The following AFDN variants were observed in gnomAD, a reference collection of about 807,000 sequenced individuals.
The protein encoded by AFDN is afadin, adherens junction formation factor.
In AFDN, 68 loss-of-function variants were observed where a neutral mutation model predicts 216.6. The ratio of observed to expected loss-of-function variants is 0.31; its 90% confidence interval spans 0.26 to 0.38. The LOEUF is 0.38. Ranked by LOEUF, AFDN falls within the 10% of genes least tolerant of loss-of-function variation. The probability of loss-of-function intolerance (pLI) is 1.00; values close to 1 mark genes in which losing one functional copy is unlikely to be tolerated. For synonymous variants in AFDN, 868 were observed against 853.7 expected, an observed-to-expected ratio of 1.02 and a Z score of -0.29; for missense variants, 2,136 against 2,342.0, an observed-to-expected ratio of 0.91 and a Z score of 1.82.
chr6:167,896,375 C>A (rs138175776), intron 9 of AFDN, among the ~76,000 whole-genome samples: 1 of 152,280 alleles, frequency 6.6e-6, no homozygotes, highest in African/African-American at 2.4e-5. Context: ...GGCCTCATCC[C>A]CAAGGATTTT....
chr6:167,901,947 G>T lies in AFDN; in HGVS notation c.1581-370G>T, dbSNP rs147372583. ...ATCTCTACAAAAAATACAATAATTA[G>T]CCGGGCATGGTGGCCCTTGTCTGTA... On this transcript the variant is annotated intron_variant, in intron 11 of 33. Coordinates refer to ENST00000683244, the MANE Select transcript of AFDN (RefSeq NM_001386888.1). 5.0e-3 allele frequency among the ~76,000 whole-genome samples: 761 copies of T among 152,066 alleles called. 11 individuals carry two copies. Among genetic ancestry groups the T allele is most frequent in the African/African-American group, 0.018 (733 of 41,488 alleles).
At chr6:167,926,656 A>G (rs1269026424) in intron 23 of AFDN, among the ~76,000 whole-genome samples, 1 of 152,220 alleles carries the variant, frequency 6.6e-6, no homozygotes, top group African/African-American at 2.4e-5. Context: ...GATCTCGATC[A>G]AACTCCTGGC....
Position 167,915,213 on chromosome 6 carries a change from G to A in AFDN, c.2345G>A (p.Arg782His). ...ACAGGAGCCATGTCCTTGCTACGAC[G>A]CTGCAGAGTCAATGCCGCCCTGACC... ...TLTGAMSLLR[R>H]CRVNAALTIQ... The change falls in exon 19 of 34, where the codon CGC becomes CAC. Residue 782 changes from arginine (R) to histidine (H), a missense_variant. Physicochemically the swap from Arg to His is conservative, Grantham distance 29 (BLOSUM62 0). This residue lies in a region of AFDN where 817 missense variants were observed against 965.7 expected (regional missense o/e 0.85). Coordinates refer to ENST00000683244, the MANE Select transcript of AFDN (RefSeq NM_001386888.1). 2 of 1,614,214 alleles carry A rather than the reference G, an allele frequency of 1.2e-6. No individual in the cohort carries two copies. The highest frequency in any genetic ancestry group is 1.7e-6 in the Non-Finnish European group (2 of 1,180,040).
Position 167,880,495 on chromosome 6 carries a change from C to T in AFDN, c.875C>T (p.Pro292Leu). ...LEKYGLEKEN[P>L]KDYCIARVML... is the part of the protein sequence containing the mutation. Reference sequence around the variant, plus strand: ...AAGTATGGTCTGGAAAAAGAAAACCCTAAGGATTACTGCATCGCCCGGGTA... The same window carrying T: ...AAGTATGGTCTGGAAAAAGAAAACCTTAAGGATTACTGCATCGCCCGGGTA... Residue 292 changes from proline to leucine, a missense_variant, in exon 6 of 34, where the codon CCT becomes CTT. By Grantham distance (98) the Pro-to-Leu change is moderately conservative. Transcript: ENST00000683244. The T allele has an allele frequency of 1.2e-6, 2 of 1,613,672 alleles. No individual in the cohort carries two copies. Among genetic ancestry groups the T allele is most frequent in the Non-Finnish European group, 1.7e-6 (2 of 1,179,714 alleles).
chr6:167,841,390 A>G (rs1202958678), intron 1 of AFDN, among the ~76,000 whole-genome samples: 1 of 152,168 alleles, frequency 6.6e-6, no homozygotes, highest in Non-Finnish European at 1.5e-5. Context: ...AAGAGAGACA[A>G]GAACCTAGGA....
intron 5 of AFDN, among the ~76,000 whole-genome samples, chr6:167,878,813 C>T (rs1256305043): frequency 1.3e-5 from 2 of 152,144 alleles, no homozygotes; most frequent in Non-Finnish European, 2.9e-5. Flanking sequence ...CAGCCCTGGG[C>T]CTTAGCAGTT....
At chr6:167,964,818 C>A in intron 31 of AFDN, 1 of 1,066,110 alleles carries the variant, frequency 9.4e-7, no homozygotes, top group Non-Finnish European at 1.1e-6. Context: ...AACATTTACT[C>A]GAGGCAGTTT....
intron 6 of AFDN, among the ~76,000 whole-genome samples, chr6:167,886,095 G>GTT (rs535098994): frequency 2.0e-5 from 3 of 149,576 alleles, no homozygotes; most frequent in Admixed American, 1.3e-4. Context: ...TCTCACAGTA[G>GTT]TTTTTTTTTT....
chr6:167,947,470 T>TGC (rs1795453309), intron 27 of AFDN, among the ~76,000 whole-genome samples: 3 of 122,374 alleles, frequency 2.5e-5, no homozygotes, highest in Non-Finnish European at 5.1e-5. Flanking sequence ...TGAGCCACCA[T>TGC]GCCCAGCCAA....
At chr6:167,826,899 C>T (rs1343420189), upstream of AFDN, 3 of 142,230 alleles carry the variant, frequency 2.1e-5, no homozygotes, top group East Asian at 4.0e-4. Flanking sequence ...CGGCGGGCGG[C>T]GGGCGCCGGG....
At position 167,944,016 on chromosome 6, in the gene AFDN, T is replaced by G. The variant is rs1794990268; in HGVS notation, c.3315T>G (p.Gly1105=). 6.2e-7 allele frequency: 1 copy of G among 1,614,042 alleles called. No individual in the cohort carries two copies. The highest frequency in any genetic ancestry group is 1.3e-5 in the African/African-American group (1 of 74,926). Residue 1105 remains glycine, a synonymous_variant, in exon 26 of 34, where the codon GGT becomes GGG. Transcript: ENST00000683244. ...EVAKQGAIYH[G]LATLLNQPSP... ...CAAAGCAGGGTGCCATCTACCACGG[T>G]CTGGCCACCCTTCTCAATCAGCCAT...
chr6:167,965,825 G>T lies in AFDN; in HGVS notation c.5037G>T (p.Ala1679=). The T allele has an allele frequency of 6.4e-7, 1 of 1,558,776 alleles. No individual in the cohort carries two copies. The highest frequency in any genetic ancestry group is 8.7e-7 in the Non-Finnish European group (1 of 1,151,706). The change falls in exon 32 of 34, where the codon GCG becomes GCT. Residue 1679 remains alanine (A), a synonymous_variant. Transcript: ENST00000683244. ...GGCGCAGACAGCACGACGAGGCGGCGCGCAGGTTGCTGGAGCCCGAGGCGC... is the reference window on the plus strand; with the variant it reads ...GGCGCAGACAGCACGACGAGGCGGCTCGCAGGTTGCTGGAGCCCGAGGCGC... ...AERRRQHDEA[A]RRLLEPEAPG...
At chr6:167,873,939 A>C (rs1785056109) in intron 4 of AFDN, among the ~76,000 whole-genome samples, 1 of 152,238 alleles carries the variant, frequency 6.6e-6, no homozygotes, top group Non-Finnish European at 1.5e-5. Context: ...TTGCATCAAA[A>C]GGGGGTTTAG....
intron 8 of AFDN, among the ~76,000 whole-genome samples, chr6:167,891,650 G>C (rs1374339961): frequency 6.6e-6 from 1 of 152,062 alleles, no homozygotes; most frequent in East Asian, 1.9e-4. Flanking sequence ...CCATTGAGTA[G>C]AGAAATACGT....
In AFDN at chr6:167,859,781, G is replaced by GTT. The variant is rs375813172; in HGVS notation, c.106-4758_106-4757dup. Among the ~76,000 whole-genome samples the GTT allele has an allele frequency of 0.016, 1,745 of 109,532 alleles. 80 individuals carry two copies. The East Asian group carries it at 0.17, about 11-fold the overall frequency. 71.9% of individuals were successfully genotyped at this position (109,532 alleles called of 152,430 possible). A position where few individuals can be genotyped will look rare whatever the true frequency, so the allele number is the denominator to read the frequency against. Reference sequence around the variant, plus strand: ...AATGTAGCTTGGTTTTGTTATTGTTGTTTTTTTTTTTTTAGTTTTGGATCA... The same window carrying GTT: ...AATGTAGCTTGGTTTTGTTATTGTTGTTTTTTTTTTTTTTTAGTTTTGGATCA... On this transcript the variant is annotated intron_variant, in intron 1 of 33. Transcript: ENST00000683244.
chr6:167,935,540 TG>T, intron 23 of AFDN, among the ~76,000 whole-genome samples: 1 of 152,368 alleles, frequency 6.6e-6, no homozygotes, highest in South Asian at 2.1e-4. Flanking sequence ...CTTTGGAATC[TG>T]TAACTGCTTT....
At chr6:167,878,069 A>G (rs1785608668) in intron 5 of AFDN, among the ~76,000 whole-genome samples, 1 of 151,726 alleles carries the variant, frequency 6.6e-6, no homozygotes, top group Non-Finnish European at 1.5e-5. Context: ...ATTTATTGTT[A>G]TGGTTTTTTT....
intron 6 of AFDN, among the ~76,000 whole-genome samples, chr6:167,885,549 G>T (rs142329737): frequency 6.6e-6 from 1 of 152,284 alleles, no homozygotes; most frequent in Non-Finnish European, 1.5e-5. Flanking sequence ...ACACTTATCA[G>T]TTAAGCTTGC....
At chr6:167,845,409 T>G (rs962143073) in intron 1 of AFDN, among the ~76,000 whole-genome samples, 3 of 151,998 alleles carry the variant, frequency 2.0e-5, no homozygotes, top group Admixed American at 1.3e-4. Context: ...CTTTTCTTGC[T>G]TTTTTTAGAC....
Sources: allele counts gnomAD v4.1 joint callset (sites outside exome capture counted in the v4.1 genomes callset), GRCh38; gene constraint gnomAD v4.1.1; regional missense constraint gnomAD v4.1.1; transcripts MANE v1.5; gene names NCBI Gene and HGNC (gene_info 2026-07-23, HGNC 2026-07-21).